Variants in YAE1 observed in about 807,000 individuals in gnomAD.
YAE1 encodes the protein YAE1 maturation factor of ABCE1, also known as protein YAE1 homolog.
In YAE1, 22 loss-of-function variants were observed where a neutral mutation model predicts 23.0. The ratio of observed to expected loss-of-function variants is 0.96; its 90% CI spans 0.68 to 1.37. The LOEUF (loss-of-function observed/expected upper bound fraction) is 1.37, where lower values mean the gene tolerates loss of function less well. Among genes scored for constraint, YAE1 ranks in the 40% most tolerant of loss-of-function variants. The pLI, the probability that YAE1 is intolerant of heterozygous loss-of-function variation, is 0.00. For missense variants in YAE1, 260 were observed against 262.1 expected, an observed-to-expected ratio of 0.99 and a Z score of 0.06; for synonymous variants, 101 against 97.0, an observed-to-expected ratio of 1.04 and a Z score of -0.24.
At chr7:39,570,220 C>G (rs1234702829) in intron 1 of YAE1, 1 of 634,736 alleles carries the variant, frequency 1.6e-6, no homozygotes, top group Non-Finnish European at 2.7e-6. Flanking sequence ...GCCCACCTCA[C>G]AGCAAGCGTG....
chr7:39,594,426 A>C (rs187092416), intron 2 of YAE1, among the ~76,000 whole-genome samples: 1 of 152,274 alleles, frequency 6.6e-6, no homozygotes, highest in Admixed American at 6.5e-5. Flanking sequence ...TAAGAAATGG[A>C]AAAACTCACC....
chr7:39,605,892 G>A (rs1791123579), intron 2 of YAE1, among the ~76,000 whole-genome samples: 4 of 151,856 alleles, frequency 2.6e-5, no homozygotes, highest in Admixed American at 2.6e-4. Context: ...TAGAATTATG[G>A]TTCTACTTCA....
chr7:39,568,115 A>G (rs1024178961), intron 1 of YAE1, among the ~76,000 whole-genome samples: 16 of 152,120 alleles, frequency 1.1e-4, no homozygotes, highest in Middle Eastern at 3.4e-3. Context: ...GCGTGCACCT[A>G]TAGTCCCAGC....
chr7:39,592,849 T>C (rs150153228), intron 2 of YAE1, among the ~76,000 whole-genome samples: 398 of 152,330 alleles, frequency 2.6e-3, no homozygotes, highest in African/African-American at 8.8e-3. Flanking sequence ...CTTATCCTGC[T>C]TAGAGCTTGC....
intron 2 of YAE1, among the ~76,000 whole-genome samples, chr7:39,587,255 C>T (rs1790833342): frequency 6.6e-6 from 1 of 151,818 alleles, no homozygotes; most frequent in Non-Finnish European, 1.5e-5. Flanking sequence ...TGGGGTTTCG[C>T]CGTGTTGCCC....
rs192337036 is a variant in YAE1, at chr7:39,596,197, T to A, written c.252-13420T>A. Among the ~76,000 whole-genome samples the A allele has an allele frequency of 2.5e-3, 387 of 152,242 alleles. 4 individuals are homozygous for A. Among genetic ancestry groups the A allele is most frequent in the African/African-American group, 9.1e-3 (377 of 41,528 alleles). On this transcript the variant is annotated intron_variant, in intron 2 of 2. Transcript: ENST00000432096. ...TTTGGCAATCTGTAAGTCACTTATT[T>A]TTTTTTCTTTTTTTGGAGGCGGAGT...
Position 39,572,446 on chromosome 7 carries a change from G to A in YAE1, c.421G>A (p.Asp141Asn). The change falls in exon 3 of 3, where the codon GAC becomes AAC. Residue 141 changes from aspartate to asparagine, a missense_variant. Asp to Asn is a conservative substitution (Grantham distance 23, BLOSUM62 1). Transcript: ENST00000223273. ...VDLLDSIEDM[D>N]LCHVVPAEKK... Reference sequence around the variant, plus strand: ...TTTATTGGACTCCATTGAGGATATGGACCTTTGTCATGTAGTTCCAGCTGA... The same window carrying A: ...TTTATTGGACTCCATTGAGGATATGAACCTTTGTCATGTAGTTCCAGCTGA... 1 of 1,614,132 alleles carries A rather than the reference G, an allele frequency of 6.2e-7. No individual in the cohort carries two copies. The highest frequency in any genetic ancestry group is 8.5e-7 in the Non-Finnish European group (1 of 1,179,982).
intron 2 of YAE1, among the ~76,000 whole-genome samples, chr7:39,596,583 G>A (rs1464024767): frequency 6.6e-6 from 1 of 152,104 alleles, no homozygotes; most frequent in Non-Finnish European, 1.5e-5. Flanking sequence ...TAGCTTAAAT[G>A]TTTACTTCTC....
intron 2 of YAE1, among the ~76,000 whole-genome samples, chr7:39,588,610 G>T (rs1286946942): frequency 6.6e-6 from 1 of 151,978 alleles, no homozygotes; most frequent in African/African-American, 2.4e-5. Flanking sequence ...AATAATGGAA[G>T]TTCCGTCTCA....
chr7:39,576,573 A>C (rs961545513), downstream of YAE1, among the ~76,000 whole-genome samples: 1 of 152,218 alleles, frequency 6.6e-6, no homozygotes, highest in African/African-American at 2.4e-5. Context: ...TCTGCCTAGA[A>C]TACTTTATTC....
rs1357147990 is a variant in YAE1 at position 39,572,506 on chromosome 7, T to G, written c.481T>G (p.Cys161Gly). The G allele has an allele frequency of 6.2e-7, 1 of 1,614,118 alleles. No homozygotes were observed. Among genetic ancestry groups the G allele is most frequent in the East Asian group, 2.2e-5 (1 of 44,868 alleles). Residue 161 changes from cysteine to glycine, a missense_variant, in exon 3 of 3, where the codon TGT (cysteine) becomes GGT (glycine). By Grantham distance (159) the Cys-to-Gly change is radical (BLOSUM62 -3). Transcript: ENST00000223273. ...TGATGAAGCTAAAGATGAAAGACTC[T>G]GTGAAAATAATGCTGAGTTTAACAA... ...KIDEAKDERL[C>G]ENNAEFNKNC... is the part of the protein sequence containing the mutation.
At chr7:39,575,748 A>T (rs140695275), downstream of YAE1, among the ~76,000 whole-genome samples, 1,127 of 152,224 alleles carry the variant, frequency 7.4e-3, 5 homozygotes, top group Non-Finnish European at 9.5e-3. Context: ...GTCTGCCATC[A>T]CTGTCTCAAA....
rs997895381 is a variant in YAE1, at chr7:39,578,356, A to G, written c.251+7729A>G. On this transcript the variant is annotated intron_variant, in intron 2 of 2. Coordinates refer to the YAE1 transcript ENST00000432096. ...CAATCAGCAAGATGTGGGTGGGGCC[A>G]GATAAGGGAATAAAAGCAGGCTGCC... Among the ~76,000 whole-genome samples, 5 of 152,354 alleles carry G rather than the reference A, an allele frequency of 3.3e-5. No individual in the cohort carries two copies. In the South Asian group the frequency reaches 1.0e-3, roughly 32 times the overall value.
intron 2 of YAE1, among the ~76,000 whole-genome samples, chr7:39,595,066 TC>T (rs1197095347): frequency 1.3e-5 from 2 of 152,132 alleles, no homozygotes; most frequent in Admixed American, 6.5e-5. Context: ...AGGACTATGT[TC>T]CCCCTCATGT....
intron 2 of YAE1, chr7:39,571,108 C>T (rs889347835): frequency 1.3e-5 from 2 of 153,588 alleles, no homozygotes; most frequent in Non-Finnish European, 2.9e-5. Context: ...AGCCAGGAGC[C>T]TAGCAGCCTT....
At chr7:39,574,226 C>A (rs17171602), downstream of YAE1, among the ~76,000 whole-genome samples, 43,288 of 152,050 alleles carry the variant, frequency 0.28, 7,262 homozygotes, top group African/African-American at 0.48. Context: ...AGATTTTTGT[C>A]GAAAATGAAA....
intron 2 of YAE1, among the ~76,000 whole-genome samples, chr7:39,606,631 C>A (rs564748742): frequency 2.0e-5 from 3 of 152,180 alleles, no homozygotes; most frequent in African/African-American, 7.2e-5. Flanking sequence ...TGTGCACACA[C>A]AAAAGGGTGT....
At chr7:39,599,170 G>A (rs1335204316) in intron 2 of YAE1, among the ~76,000 whole-genome samples, 1 of 151,980 alleles carries the variant, frequency 6.6e-6, no homozygotes, top group African/African-American at 2.4e-5. Flanking sequence ...AACCCAGGAG[G>A]CACAGGTTGC....
chr7:39,586,793 G>T (rs1043811967), intron 2 of YAE1, among the ~76,000 whole-genome samples: 5 of 152,186 alleles, frequency 3.3e-5, no homozygotes, highest in African/African-American at 1.2e-4. Context: ...CACTGCAGTC[G>T]GCCGATAACT....
Sources: gnomAD v4.1 joint callset for allele counts (sites outside exome capture counted in the v4.1 genomes callset) on GRCh38, gnomAD v4.1.1 for gene constraint, MANE v1.5 for transcripts, NCBI Gene and HGNC (gene_info 2026-07-23, HGNC 2026-07-21) for gene names.